The following PCDH11X variants were observed in gnomAD, a reference collection of about 807,000 sequenced individuals.
PCDH11X encodes the protein protocadherin 11 X-linked, also known as protocadherin-11 X-linked.
PCDH11X carries 18 observed loss-of-function variants against 53.3 expected under a neutral mutation model. The observed-to-expected ratio is 0.34, with a 90% CI of 0.23 to 0.50. The LOEUF is 0.50. PCDH11X is among the 20% of genes least tolerant of loss of function. The probability of loss-of-function intolerance (pLI) is 0.98; values close to 1 mark genes in which losing one functional copy is unlikely to be tolerated. For synonymous variants in PCDH11X, 279 were observed against 393.3 expected (o/e 0.71, Z 3.44); for missense variants, 570 against 1,032.4 (o/e 0.55, Z 6.14).
At chrX:92,342,233 G>A (rs906063197) in intron 8 of PCDH11X, among the ~76,000 whole-genome samples, 2 of 111,101 alleles carry the variant, frequency 1.8e-5, no homozygotes, top group African/African-American at 6.6e-5. Context: ...ACACAACTAG[G>A]GGGAATGTAA....
chrX:91,962,714 A>G (rs915762134), intron 6 of PCDH11X, among the ~76,000 whole-genome samples: 9 of 111,101 alleles, frequency 8.1e-5, no homozygotes, highest in African/African-American at 2.0e-4. Flanking sequence ...GAGGTTCTCC[A>G]TGAGAACTCC....
intron 1 of PCDH11X, among the ~76,000 whole-genome samples, chrX:91,793,639 G>A (rs1935634648): frequency 9.0e-6 from 1 of 111,332 alleles, no homozygotes; most frequent in Non-Finnish European, 1.9e-5. Flanking sequence ...AAACTTCAAG[G>A]GATTGTCTTC....
intron 6 of PCDH11X, among the ~76,000 whole-genome samples, chrX:92,147,220 C>T (rs986000145): frequency 9.3e-6 from 1 of 107,857 alleles, no homozygotes; most frequent in African/African-American, 3.5e-5. Context: ...ATGGAACTAT[C>T]TAACTATGTA....
chrX:91,930,514 C>T (rs868262289), intron 6 of PCDH11X, among the ~76,000 whole-genome samples: 7 of 103,555 alleles, frequency 6.8e-5, no homozygotes, highest in Admixed American at 3.2e-4. Context: ...TATATATACA[C>T]GTATATATAT....
chrX:92,458,673 C>T (rs2072966108), intron 9 of PCDH11X, among the ~76,000 whole-genome samples: 1 of 110,802 alleles, frequency 9.0e-6, no homozygotes, highest in Non-Finnish European at 1.9e-5. Context: ...ACATAATATC[C>T]TTCAGCTCCA....
intron 9 of PCDH11X, among the ~76,000 whole-genome samples, chrX:92,423,741 T>C (rs142318814): frequency 0.014 from 1,349 of 96,584 alleles, 112 homozygotes; most frequent in Middle Eastern, 0.049. Flanking sequence ...ATTTGTTGAA[T>C]AGGGTATACT....
intron 6 of PCDH11X, among the ~76,000 whole-genome samples, chrX:92,117,055 G>T (rs1291922197): frequency 9.2e-6 from 1 of 108,795 alleles, no homozygotes; most frequent in African/African-American, 3.4e-5. Context: ...ATAAAATGAG[G>T]GTTCAGAACT....
Position 91,999,403 on chromosome X carries a change from T to G in PCDH11X, c.3033+120130T>G, listed in dbSNP as rs192882626. 4.0e-3 allele frequency among the ~76,000 whole-genome samples: 445 copies of G among 111,566 alleles called. 4 individuals carry two copies. The highest frequency in any genetic ancestry group is 0.014 in the African/African-American group (424 of 30,723). On this transcript the variant is annotated intron_variant, in intron 6 of 10. Transcript: ENST00000682573. ...TCAACCACCAAAACCTTCAAATATG[T>G]GCATTGATATTTGTTTACACTCTTA...
Position 92,081,640 on chromosome X carries a change from T to C in PCDH11X, c.3034-119735T>C, listed in dbSNP as rs148960645. ...ATCATTAGTATGATGTAATATACAATTAGGCACTAATAAATAAGGTACTGG... is the reference window on the plus strand; with the variant it reads ...ATCATTAGTATGATGTAATATACAACTAGGCACTAATAAATAAGGTACTGG... On this transcript the variant is annotated intron_variant, in intron 6 of 10. Coordinates refer to ENST00000682573, the MANE Select transcript of PCDH11X (RefSeq NM_032968.5). 7.8e-3 allele frequency among the ~76,000 whole-genome samples: 854 copies of C among 109,050 alleles called. 26 individuals are homozygous for C. The highest frequency in any genetic ancestry group is 0.07 in the Admixed American group (702 of 9,984). The allele number at this position is 109,050 out of a possible 115,157, so 94.7% of individuals were successfully genotyped here.
chrX:92,009,391 C>T (rs2062652081), intron 6 of PCDH11X, among the ~76,000 whole-genome samples: 1 of 110,948 alleles, frequency 9.0e-6, no homozygotes, highest in African/African-American at 3.3e-5. Context: ...TAATCAGCAA[C>T]AAAATGGCAT....
chrX:91,787,063 T>G (rs1216905282), intron 1 of PCDH11X, among the ~76,000 whole-genome samples: 5 of 106,854 alleles, frequency 4.7e-5, no homozygotes, highest in Non-Finnish European at 7.7e-5. Context: ...GTAGAACTAT[T>G]GAAATGTTAA....
At chrX:91,841,157 A>G (rs1304268664) in intron 5 of PCDH11X, among the ~76,000 whole-genome samples, 1 of 111,644 alleles carries the variant, frequency 9.0e-6, no homozygotes, top group African/African-American at 3.2e-5. Flanking sequence ...CATTGTCTTC[A>G]TAAATGAATC....
chrX:91,804,887 A>G (rs1936047936), intron 1 of PCDH11X, among the ~76,000 whole-genome samples: 1 of 105,834 alleles, frequency 9.4e-6, no homozygotes, highest in Non-Finnish European at 1.9e-5. Flanking sequence ...TTCATTTTTC[A>G]ACATGATATA....
intron 4 of PCDH11X, among the ~76,000 whole-genome samples, chrX:91,829,740 A>T (rs181436643): frequency 0.01 from 1,159 of 111,582 alleles, 17 homozygotes; most frequent in African/African-American, 0.036. Flanking sequence ...CCTATTTGAT[A>T]AAAAATATTT....
intron 8 of PCDH11X, among the ~76,000 whole-genome samples, chrX:92,273,686 TGTG>T (rs2068011787): frequency 9.1e-6 from 1 of 110,454 alleles, no homozygotes; most frequent in African/African-American, 3.3e-5. Context: ...AAGGAAGATT[TGTG>T]GTAAGGGGTG....
At chrX:92,345,432 G>T (rs1193368223) in intron 8 of PCDH11X, among the ~76,000 whole-genome samples, 2 of 109,717 alleles carry the variant, frequency 1.8e-5, no homozygotes, top group African/African-American at 6.6e-5. Flanking sequence ...CAACCACAGA[G>T]AAAATGACTT....
chrX:92,107,869 T>A (rs60475869), intron 6 of PCDH11X, among the ~76,000 whole-genome samples: 4,311 of 112,074 alleles, frequency 0.038, 205 homozygotes, highest in African/African-American at 0.13. Context: ...CTTAAAATAC[T>A]TTACAGAATT....
At chrX:91,975,542 C>G (rs1028347852) in intron 6 of PCDH11X, among the ~76,000 whole-genome samples, 5 of 110,674 alleles carry the variant, frequency 4.5e-5, no homozygotes, top group African/African-American at 1.6e-4. Flanking sequence ...TGGTTATCAC[C>G]AAAGAAATGA....
chrX:92,231,922 G>T (rs1251693481), intron 7 of PCDH11X, among the ~76,000 whole-genome samples: 1 of 111,687 alleles, frequency 9.0e-6, no homozygotes, highest in Non-Finnish European at 1.9e-5. Flanking sequence ...GGGCTGGAAA[G>T]AACAGAGAAG....
Sources: allele counts gnomAD v4.1 joint callset (sites outside exome capture counted in the v4.1 genomes callset), GRCh38; gene constraint gnomAD v4.1.1; transcripts MANE v1.5; gene names NCBI Gene and HGNC (gene_info 2026-07-23, HGNC 2026-07-21).